The following ST18 variants were observed in gnomAD, a reference collection of about 807,000 sequenced individuals.
ST18 encodes suppression of tumorigenicity 18 protein.
ST18 carries 50 observed loss-of-function variants against 110.0 expected under a neutral mutation model. The ratio of observed to expected loss-of-function variants is 0.45; its 90% CI spans 0.36 to 0.58. The LOEUF (loss-of-function observed/expected upper bound fraction) is 0.58. Ranked by LOEUF, ST18 falls within the 20% of genes least tolerant of loss-of-function variation. The pLI is 0.00. For synonymous variants in ST18, 461 were observed against 452.4 expected, an observed-to-expected ratio of 1.02 and a Z score of -0.24; for missense variants, 1,306 against 1,280.1, an observed-to-expected ratio of 1.02 and a Z score of -0.31.
At position 52,111,076 on chromosome 8, in the gene ST18, T is replaced by C; in HGVS notation, c.*2122A>G. The C allele has an allele frequency of 2.5e-6, 1 of 398,426 alleles. No homozygotes were observed. Among genetic ancestry groups the C allele is most frequent in the Middle Eastern group, 6.3e-4 (1 of 1,582 alleles). 24.7% of individuals were successfully genotyped at this position (398,426 alleles called of 1,614,324 possible). On this transcript the variant is annotated 3_prime_UTR_variant, in exon 26 of 26. Coordinates refer to ENST00000689386, the MANE Select transcript of ST18 (RefSeq NM_001352837.2). Reference sequence around the variant, plus strand: ...AGTGCACATTACAAAACACATCAAGTACAAAGTAGGCAAATAAATACAAAC... The same window carrying C: ...AGTGCACATTACAAAACACATCAAGCACAAAGTAGGCAAATAAATACAAAC...
intron 2 of ST18, among the ~76,000 whole-genome samples, chr8:52,365,692 G>A (rs1052596580): frequency 2.0e-5 from 3 of 151,512 alleles, no homozygotes; most frequent in African/African-American, 7.3e-5. Flanking sequence ...CACAATTTTG[G>A]GTTTGGGGGG....
At chr8:52,244,924 A>G (rs1322936730) in intron 2 of ST18, among the ~76,000 whole-genome samples, 1 of 152,168 alleles carries the variant, frequency 6.6e-6, no homozygotes, top group East Asian at 1.9e-4. Context: ...TCTTTCACAC[A>G]AAAAAAGATC....
intron 2 of ST18, among the ~76,000 whole-genome samples, chr8:52,238,852 G>A (rs1225869626): frequency 1.7e-5 from 2 of 116,934 alleles, no homozygotes; most frequent in Admixed American, 1.1e-4. Context: ...TGGGAGACTC[G>A]GAAGGGTGGG....
intron 22 of ST18, among the ~76,000 whole-genome samples, chr8:52,130,207 A>G (rs1162940860): frequency 6.6e-6 from 1 of 152,162 alleles, no homozygotes; most frequent in Non-Finnish European, 1.5e-5. Context: ...ATTGCAGCCT[A>G]TATTTTTGAA....
rs1845782145 is a variant in ST18 at position 52,409,740 on chromosome 8, A to C, written c.-782T>G. 1 of 152,272 alleles carries C rather than the reference A, an allele frequency of 6.6e-6. No individual in the cohort carries two copies. Among genetic ancestry groups the C allele is most frequent in the Non-Finnish European group, 1.5e-5 (1 of 68,052 alleles). 9.4% of individuals were successfully genotyped at this position (152,272 alleles called of 1,614,324 possible). Reference sequence around the variant, plus strand: ...AAACATCCTGCCCTTCTCCCTACAAAAAGGTTCCATAGAATCAGAACGCAG... The same window carrying C: ...AAACATCCTGCCCTTCTCCCTACAACAAGGTTCCATAGAATCAGAACGCAG... On this transcript the variant is annotated 5_prime_UTR_variant, in exon 1 of 26. Transcript: ENST00000689386.
chr8:52,281,592 G>C (rs1198792899), intron 2 of ST18, among the ~76,000 whole-genome samples: 1 of 152,170 alleles, frequency 6.6e-6, no homozygotes, highest in Non-Finnish European at 1.5e-5. Flanking sequence ...GAATGATCTA[G>C]ATAGCTAATG....
At chr8:52,371,635 TCAA>T (rs1447345529) in intron 2 of ST18, among the ~76,000 whole-genome samples, 3 of 152,148 alleles carry the variant, frequency 2.0e-5, no homozygotes, top group Admixed American at 2.0e-4. Flanking sequence ...CATGATAAGC[TCAA>T]CGCTTTTCCA....
chr8:52,319,019 C>A (rs1382500639), intron 2 of ST18, among the ~76,000 whole-genome samples: 1 of 152,112 alleles, frequency 6.6e-6, no homozygotes, highest in East Asian at 1.9e-4. Flanking sequence ...GTGCAGCAAA[C>A]CACCATGGCA....
At chr8:52,128,611 C>T (rs925144058) in intron 22 of ST18, among the ~76,000 whole-genome samples, 5 of 152,004 alleles carry the variant, frequency 3.3e-5, no homozygotes, top group African/African-American at 1.2e-4. Context: ...TGTTCTTAAA[C>T]GTCCTACAAA....
intron 2 of ST18, among the ~76,000 whole-genome samples, chr8:52,297,554 G>C (rs1399730407): frequency 1.3e-5 from 2 of 152,060 alleles, no homozygotes; most frequent in Non-Finnish European, 2.9e-5. Context: ...GCAGGACTAA[G>C]GTAAAATCAA....
intron 2 of ST18, among the ~76,000 whole-genome samples, chr8:52,365,070 C>T (rs976281995): frequency 3.3e-4 from 50 of 151,460 alleles, no homozygotes; most frequent in South Asian, 2.1e-4. Flanking sequence ...GCTGAGATTG[C>T]GCCACTGCAC....
intron 2 of ST18, among the ~76,000 whole-genome samples, chr8:52,286,122 A>G (rs1263759763): frequency 6.6e-6 from 1 of 152,198 alleles, no homozygotes; most frequent in Non-Finnish European, 1.5e-5. Context: ...GCTGCCTAGA[A>G]TAATTAATTG....
intron 2 of ST18, among the ~76,000 whole-genome samples, chr8:52,319,142 C>T (rs2096080521): frequency 6.6e-6 from 1 of 152,022 alleles, no homozygotes; most frequent in South Asian, 2.1e-4. Flanking sequence ...AGAAAACAAA[C>T]AAAAAATATT....
At chr8:52,152,569 C>A (rs1213980964) in intron 15 of ST18, among the ~76,000 whole-genome samples, 2 of 152,186 alleles carry the variant, frequency 1.3e-5, no homozygotes, top group Non-Finnish European at 2.9e-5. Context: ...CTACCTGATG[C>A]TACCTACATT....
At chr8:52,277,470 T>C (rs1297860239) in intron 2 of ST18, among the ~76,000 whole-genome samples, 3 of 152,218 alleles carry the variant, frequency 2.0e-5, no homozygotes, top group Non-Finnish European at 4.4e-5. Context: ...TTGAGATTTC[T>C]AACCAAGGAA....
At chr8:52,236,779 G>C (rs2092743797) in intron 2 of ST18, among the ~76,000 whole-genome samples, 1 of 152,178 alleles carries the variant, frequency 6.6e-6, no homozygotes, top group Non-Finnish European at 1.5e-5. Flanking sequence ...AGATAGACTG[G>C]ATAGACCATT....
chr8:52,293,970 G>A (rs1189807705), intron 2 of ST18, among the ~76,000 whole-genome samples: 1 of 152,150 alleles, frequency 6.6e-6, no homozygotes, highest in Non-Finnish European at 1.5e-5. Context: ...CTGACTCAGG[G>A]TTTCACGCAG....
At chr8:52,343,233 C>G (rs951787170) in intron 2 of ST18, among the ~76,000 whole-genome samples, 1 of 152,120 alleles carries the variant, frequency 6.6e-6, no homozygotes, top group East Asian at 1.9e-4. Flanking sequence ...TGGAAATAAA[C>G]CAGGCCGTTA....
rs149936108 is a variant in ST18, at chr8:52,175,937, A to C, written c.278-3354T>G. Among the ~76,000 whole-genome samples the C allele has an allele frequency of 5.1e-3, 778 of 152,350 alleles. 4 individuals carry two copies. Among genetic ancestry groups the C allele is most frequent in the African/African-American group, 0.018 (742 of 41,584 alleles). On this transcript the variant is annotated intron_variant, in intron 9 of 25. Coordinates refer to ENST00000689386, the MANE Select transcript of ST18 (RefSeq NM_001352837.2). ...CAGCGACCCTTAGGAGAAACAGCTA[A>C]GAACACTAGTAGCTCATTATTTTCT...
Sources: gnomAD v4.1 joint callset for allele counts (sites outside exome capture counted in the v4.1 genomes callset) on GRCh38, gnomAD v4.1.1 for gene constraint, MANE v1.5 for transcripts, NCBI Gene and HGNC (gene_info 2026-07-23, HGNC 2026-07-21) for gene names.